The following BMP2K variants were observed in gnomAD, a reference collection of about 807,000 sequenced individuals.
BMP2K encodes the protein BMP-2-inducible protein kinase.
A neutral mutation model predicts 116.0 loss-of-function variants in BMP2K; 74 were observed. The ratio of observed to expected loss-of-function variants is 0.64; its 90% confidence interval spans 0.53 to 0.77. The LOEUF is 0.77. Among genes scored for constraint, BMP2K ranks in the 30% least tolerant of loss-of-function variants. The pLI is 0.00. For synonymous variants in BMP2K, 486 were observed against 502.5 expected (o/e 0.97, Z 0.44); for missense variants, 1,365 against 1,403.6 (o/e 0.97, Z 0.44).
chr4:78,868,759 A>G (rs540272110), intron 10 of BMP2K, among the ~76,000 whole-genome samples: 1 of 152,312 alleles, frequency 6.6e-6, no homozygotes, highest in East Asian at 1.9e-4. Flanking sequence ...GTCCAATTTA[A>G]AAGCTCCAAA....
At chr4:78,894,740 G>A (rs1004325170) in intron 15 of BMP2K, among the ~76,000 whole-genome samples, 5 of 152,254 alleles carry the variant, frequency 3.3e-5, no homozygotes, top group African/African-American at 7.2e-5. Flanking sequence ...GCTAACTGGT[G>A]CAAGAGGCCT....
At chr4:78,887,054 T>A in intron 14 of BMP2K, 120 bp from the exon 15 acceptor site, 1 of 658,146 alleles carries the variant, frequency 1.5e-6, no homozygotes, top group Middle Eastern at 3.8e-4. Flanking sequence ...CTGAACCTAA[T>A]GTTTTGCAAA....
At chr4:78,857,019 A>G (rs17003471) in intron 7 of BMP2K, among the ~76,000 whole-genome samples, 15,356 of 152,156 alleles carry the variant, frequency 0.1, 2,530 homozygotes, top group African/African-American at 0.35. Context: ...GTGGCACTAC[A>G]CTAGCACAGT....
rs1727260625 is a variant in BMP2K at position 78,776,690 on chromosome 4, C to T, written c.147C>T (p.His49=). 23 of 1,256,868 alleles carry T rather than the reference C, an allele frequency of 1.8e-5. No homozygotes were observed. In the East Asian group the frequency reaches 4.1e-4, roughly 23 times the overall value. 77.9% of individuals were successfully genotyped at this position (1,256,868 alleles called of 1,614,324 possible). A position where few individuals can be genotyped will look rare whatever the true frequency, so the allele number is the denominator to read the frequency against. The change falls in exon 1 of 16, where the codon CAC becomes CAT. Residue 49 remains histidine, a synonymous_variant. Coordinates refer to ENST00000502613, the MANE Select transcript of BMP2K (RefSeq NM_198892.2). ...VGVRVFAVGR[H]QVTLEESLAE... is the part of the protein sequence containing the mutation. ...TCCGGGTGTTCGCGGTCGGCCGCCA[C>T]CAGGTCACCCTGGAAGAGTCGCTGG...
chr4:78,857,500 A>G (rs559451695), intron 7 of BMP2K, among the ~76,000 whole-genome samples: 23 of 152,168 alleles, frequency 1.5e-4, no homozygotes, highest in Non-Finnish European at 2.9e-4. Flanking sequence ...TTCAATTGCT[A>G]TGAAAGAAAA....
intron 1 of BMP2K, among the ~76,000 whole-genome samples, chr4:78,819,355 A>T (rs1729509707): frequency 2.0e-5 from 3 of 152,180 alleles, no homozygotes; most frequent in Non-Finnish European, 4.4e-5. Context: ...GTGCCTGGCC[A>T]AGTAGTAATA....
At chr4:78,802,385 C>G (rs1728607014) in intron 1 of BMP2K, among the ~76,000 whole-genome samples, 1 of 152,150 alleles carries the variant, frequency 6.6e-6, no homozygotes, top group South Asian at 2.1e-4. Flanking sequence ...CACTGCTTTT[C>G]CAGGAAAGCT....
chr4:78,792,927 T>C lies in BMP2K; in HGVS notation c.178+16206T>C, dbSNP rs148060516. On this transcript the variant is annotated intron_variant, in intron 1 of 15. Coordinates refer to ENST00000502613, the MANE Select transcript of BMP2K (RefSeq NM_198892.2). The stretch of plus-strand genomic sequence containing the variant: ...GTCTTCACCTTTTCCTCTACTTACC[T>C]GTGTGAGGCTAAATTATCTTTATGT... 2.7e-3 allele frequency among the ~76,000 whole-genome samples: 417 copies of C among 152,312 alleles called. 3 individuals are homozygous for C. The highest frequency in any genetic ancestry group is 9.5e-3 in the African/African-American group (395 of 41,576).
At chr4:78,778,801 A>T (rs1358178457) in intron 1 of BMP2K, among the ~76,000 whole-genome samples, 1 of 152,222 alleles carries the variant, frequency 6.6e-6, no homozygotes, top group Non-Finnish European at 1.5e-5. Flanking sequence ...GGTCTGCCTG[A>T]TCATAAGATT....
At chr4:78,878,326 A>G (rs1732731292) in intron 13 of BMP2K, among the ~76,000 whole-genome samples, 1 of 152,090 alleles carries the variant, frequency 6.6e-6, no homozygotes. Context: ...TTTTACTTTA[A>G]GTCTTGTTTA....
intron 3 of BMP2K, among the ~76,000 whole-genome samples, chr4:78,841,665 C>CA (rs1490326428): frequency 1.3e-5 from 2 of 152,106 alleles, no homozygotes. Flanking sequence ...AGTCTCATCT[C>CA]ACCTTATCGT....
intron 15 of BMP2K, among the ~76,000 whole-genome samples, chr4:78,908,210 C>A (rs1261906906): frequency 6.6e-6 from 1 of 152,176 alleles, no homozygotes; most frequent in African/African-American, 2.4e-5. Flanking sequence ...GTATTCTTCA[C>A]ATACTTGTCT....
In BMP2K at chr4:78,872,636, T is replaced by G. The variant is rs1732424026; in HGVS notation, c.1631T>G (p.Phe544Cys). 2 of 1,614,104 alleles carry G rather than the reference T, an allele frequency of 1.2e-6. No individual in the cohort carries two copies. Among genetic ancestry groups the G allele is most frequent in the East Asian group, 4.5e-5 (2 of 44,884 alleles). Reference protein sequence around the residue: ...PTMMPQYQQAFFQQQMLAQHQ... With the variant: ...PTMMPQYQQACFQQQMLAQHQ... ...CAGATGCCGCAGTATCAGCAGGCTT[T>G]CTTTCAACAGCAGATGCTAGCTCAA... Residue 544 changes from phenylalanine to cysteine, a missense_variant, in exon 13 of 16, where the codon TTC (phenylalanine) becomes TGC (cysteine). Coordinates refer to ENST00000502613, the MANE Select transcript of BMP2K (RefSeq NM_198892.2).
chr4:78,852,210 A>T (rs942496500), intron 7 of BMP2K, among the ~76,000 whole-genome samples: 3 of 151,968 alleles, frequency 2.0e-5, no homozygotes, highest in Non-Finnish European at 4.4e-5. Context: ...GTAATGTGAG[A>T]TGGAAAAAAA....
intron 1 of BMP2K, among the ~76,000 whole-genome samples, chr4:78,798,982 A>G (rs1244508844): frequency 2.6e-5 from 4 of 152,248 alleles, no homozygotes; most frequent in African/African-American, 9.6e-5. Context: ...TAACATTATC[A>G]AATTATTTTA....
At chr4:78,875,823 C>A (rs1433132056) in intron 13 of BMP2K, among the ~76,000 whole-genome samples, 1 of 152,138 alleles carries the variant, frequency 6.6e-6, no homozygotes, top group African/African-American at 2.4e-5. Context: ...TTTGCCAAGG[C>A]AAAAATTATT....
intron 10 of BMP2K, among the ~76,000 whole-genome samples, chr4:78,865,958 G>GA (rs1187979259): frequency 6.6e-6 from 1 of 152,106 alleles, no homozygotes; most frequent in African/African-American, 2.4e-5. Flanking sequence ...AATTTGCTTT[G>GA]ATACTATAAA....
chr4:78,816,039 C>T (rs1729331633), intron 1 of BMP2K, among the ~76,000 whole-genome samples: 2 of 152,140 alleles, frequency 1.3e-5, no homozygotes, highest in Admixed American at 6.6e-5. Context: ...GACCCTCACT[C>T]GCTCTAAAAA....
At chr4:78,910,524 G>C in intron 15 of BMP2K, 86 bp from the exon 16 acceptor site, 1 of 1,098,102 alleles carries the variant, frequency 9.1e-7, no homozygotes, top group Non-Finnish European at 1.3e-6. Flanking sequence ...GATTTGTAAT[G>C]CCATGTGTAA....
Sources: gnomAD v4.1 joint callset for allele counts (sites outside exome capture counted in the v4.1 genomes callset) on GRCh38, gnomAD v4.1.1 for gene constraint, MANE v1.5 for transcripts, NCBI Gene and HGNC (gene_info 2026-07-23, HGNC 2026-07-21) for gene names.